The following P2RX3 variants were observed in gnomAD, a reference collection of about 807,000 sequenced individuals.
P2RX3 encodes purinergic receptor P2X 3, also known as P2X purinoceptor 3.
A neutral mutation model predicts 51.5 loss-of-function variants in P2RX3; 41 were observed. The observed-to-expected ratio is 0.80, with a 90% CI of 0.62 to 1.03. The LOEUF (loss-of-function observed/expected upper bound fraction) is 1.03, where lower values mean the gene tolerates loss of function less well. P2RX3 is among the 50% of genes least tolerant of loss of function. The pLI is 0.00. For synonymous variants in P2RX3, 185 were observed against 191.6 expected (o/e 0.97, Z 0.29); for missense variants, 459 against 522.1 (o/e 0.88, Z 1.18).
At chr11:57,356,904 A>G (rs77914294) in intron 8 of P2RX3, among the ~76,000 whole-genome samples, 133 of 152,324 alleles carry the variant, frequency 8.7e-4, no homozygotes, top group African/African-American at 3.0e-3. Flanking sequence ...TGTCTACCCT[A>G]TTCTCACAGC....
intron 1 of P2RX3, among the ~76,000 whole-genome samples, chr11:57,341,851 C>G (rs1230110955): frequency 6.6e-6 from 1 of 152,152 alleles, no homozygotes; most frequent in East Asian, 1.9e-4. Context: ...GCCCTACCTG[C>G]CCTGTTCCTC....
intron 1 of P2RX3, among the ~76,000 whole-genome samples, chr11:57,338,882 C>T (rs1350530058): frequency 1.3e-5 from 2 of 152,178 alleles, no homozygotes; most frequent in Non-Finnish European, 2.9e-5. Context: ...AGTTCGTCCT[C>T]CAGGGTTGAG....
chr11:57,338,766 C>T, intron 1 of P2RX3, 97 bp downstream of exon 1: 2 of 782,896 alleles, frequency 2.6e-6, no homozygotes, highest in South Asian at 3.9e-5. Context: ...TTCCTGAGCT[C>T]CTCTGCTCCT....
intron 1 of P2RX3, among the ~76,000 whole-genome samples, 179 bp from the exon 2 acceptor site, chr11:57,346,365 G>C (rs1310603844): frequency 6.6e-6 from 1 of 152,226 alleles, no homozygotes; most frequent in Admixed American, 6.5e-5. Context: ...ACAAAAGGTG[G>C]AGAAACGCTA....
At chr11:57,339,094 G>A (rs1856290980) in intron 1 of P2RX3, among the ~76,000 whole-genome samples, 1 of 152,224 alleles carries the variant, frequency 6.6e-6, no homozygotes, top group South Asian at 2.1e-4. Context: ...CACAGGAATA[G>A]GGAAGGGAAG....
rs565943618 is a variant in P2RX3, at chr11:57,368,212, T to C, written c.936+110T>C. 25 of 1,329,898 alleles carry C rather than the reference T, an allele frequency of 1.9e-5. No individual in the cohort carries two copies. The African/African-American group carries it at 2.7e-4, about 15-fold the overall frequency. 82.4% of individuals were successfully genotyped at this position (1,329,898 alleles called of 1,614,324 possible). A position where few individuals can be genotyped will look rare whatever the true frequency, so the allele number is the denominator to read the frequency against. Reference sequence around the variant, plus strand: ...GCAGGGGTCTGCTGCTGGCCAGCTTTGACACCCTCAGTGGGTCACTCTCCC... The same window carrying C: ...GCAGGGGTCTGCTGCTGGCCAGCTTCGACACCCTCAGTGGGTCACTCTCCC... On this transcript the variant is annotated intron_variant, in intron 9 of 11. Coordinates refer to ENST00000263314, the MANE Select transcript of P2RX3 (RefSeq NM_002559.5).
upstream of P2RX3, among the ~76,000 whole-genome samples, chr11:57,337,366 A>G (rs562635158): frequency 4.2e-5 from 5 of 117,970 alleles, 1 homozygote; most frequent in South Asian, 1.6e-3. Flanking sequence ...AAAAAAAAAC[A>G]GAAAAAAAAA....
At chr11:57,361,286 CTT>C (rs932909451) in intron 8 of P2RX3, among the ~76,000 whole-genome samples, 2 of 146,758 alleles carry the variant, frequency 1.4e-5, no homozygotes, top group Non-Finnish European at 1.5e-5. Context: ...TTGAGGGTCA[CTT>C]TTTTTTTTTT....
chr11:57,343,063 G>A (rs1186258106), intron 1 of P2RX3, among the ~76,000 whole-genome samples: 1 of 152,244 alleles, frequency 6.6e-6, no homozygotes, highest in East Asian at 1.9e-4. Flanking sequence ...CCTAGCTCCT[G>A]AGCCCTGGCC....
intron 8 of P2RX3, among the ~76,000 whole-genome samples, chr11:57,360,639 CA>C (rs1383696534): frequency 1.3e-5 from 2 of 151,162 alleles, no homozygotes; most frequent in African/African-American, 4.9e-5. Context: ...AAAAAAAATA[CA>C]AAAAATTAGC....
At chr11:57,356,003 A>G (rs1262287311) in intron 8 of P2RX3, among the ~76,000 whole-genome samples, 2 of 152,200 alleles carry the variant, frequency 1.3e-5, no homozygotes, top group Non-Finnish European at 2.9e-5. Flanking sequence ...CCTTCTCTAC[A>G]AAAATAAGAT....
chr11:57,349,814 G>T lies in P2RX3; in HGVS notation c.621G>T (p.Pro207=), dbSNP rs1341383928. Residue 207 remains proline (P), a synonymous_variant, in exon 7 of 12, where the codon CCG becomes CCT. Coordinates refer to ENST00000263314, the MANE Select transcript of P2RX3 (RefSeq NM_002559.5). The stretch of plus-strand genomic sequence containing the variant: ...ACATGAAGACCTGCCGCTTCCACCC[G>T]GACAAGGACCCTTTCTGCCCCATCT... ...ARDMKTCRFH[P]DKDPFCPILR... 6.2e-7 allele frequency: 1 copy of T among 1,614,072 alleles called. No individual in the cohort carries two copies. Among genetic ancestry groups the T allele is most frequent in the East Asian group, 2.2e-5 (1 of 44,894 alleles).
intron 1 of P2RX3, 78 bp from the exon 2 acceptor site, chr11:57,346,466 A>G: frequency 6.4e-7 from 1 of 1,551,626 alleles, no homozygotes; most frequent in Admixed American, 1.8e-5. Flanking sequence ...TGTTGGCAGG[A>G]AGGTGACCTC....
rs745552000 is a variant in P2RX3 at position 57,349,903 on chromosome 11, G to C, written c.705+5G>C. The stretch of plus-strand genomic sequence containing the variant: ...TTTGCCAAACTGGCGCGCACGGTGA[G>C]GACCTAGCCATTCTTCCGCGACCCC... On this transcript the variant is annotated splice_donor_5th_base_variant and intron_variant, in intron 7 of 11. Coordinates refer to ENST00000263314, the MANE Select transcript of P2RX3 (RefSeq NM_002559.5). The C allele has an allele frequency of 1.2e-6, 2 of 1,614,028 alleles. No homozygotes were observed. The highest frequency in any genetic ancestry group is 2.7e-5 in the African/African-American group (2 of 74,942).
intron 8 of P2RX3, among the ~76,000 whole-genome samples, chr11:57,356,650 G>A (rs1316711123): frequency 7.2e-5 from 11 of 152,196 alleles, no homozygotes; most frequent in African/African-American, 1.4e-4. Flanking sequence ...AGACAGAATC[G>A]AAGTGCACCC....
In P2RX3 at chr11:57,342,148, C is replaced by CTTTTTT. The variant is rs67011422; in HGVS notation, c.119+3503_119+3508dup. On this transcript the variant is annotated intron_variant, in intron 1 of 11. Coordinates refer to ENST00000263314, the MANE Select transcript of P2RX3 (RefSeq NM_002559.5). ...GGGAAGAACTGTTGGGCTGCCCCAT[C>CTTTTTT]TTTTTTTTTTTTTTTTTTTTTTTTT... Among the ~76,000 whole-genome samples, 10 of 48,404 alleles carry CTTTTTT rather than the reference C, an allele frequency of 2.1e-4. 1 individual carries two copies. The highest frequency in any genetic ancestry group is 2.8e-4 in the Non-Finnish European group (8 of 29,072). 31.8% of individuals were successfully genotyped at this position (48,404 alleles called of 152,430 possible).
chr11:57,342,530 C>G (rs1022454306), intron 1 of P2RX3, among the ~76,000 whole-genome samples: 1 of 152,006 alleles, frequency 6.6e-6, no homozygotes, highest in Non-Finnish European at 1.5e-5. Flanking sequence ...GCCCTCTCCC[C>G]CAATATGGAA....
intron 8 of P2RX3, among the ~76,000 whole-genome samples, chr11:57,364,737 G>A (rs184144617): frequency 2.0e-5 from 3 of 152,078 alleles, no homozygotes; most frequent in Admixed American, 2.0e-4. Context: ...TTTTGCCTTG[G>A]TTGTGAGGCT....
At chr11:57,364,034 G>A (rs955733918) in intron 8 of P2RX3, among the ~76,000 whole-genome samples, 2 of 152,208 alleles carry the variant, frequency 1.3e-5, no homozygotes, top group Non-Finnish European at 2.9e-5. Flanking sequence ...TTGAACGGCA[G>A]TGCCCAGGAT....
Sources: allele counts gnomAD v4.1 joint callset (sites outside exome capture counted in the v4.1 genomes callset), GRCh38; gene constraint gnomAD v4.1.1; transcripts MANE v1.5; gene names NCBI Gene and HGNC (gene_info 2026-07-23, HGNC 2026-07-21).